PTAFR: variants seen among roughly 807,000 people sequenced by gnomAD.
PTAFR encodes platelet activating factor receptor.
PTAFR carries 8 observed loss-of-function variants against 14.7 expected under a neutral mutation model. That is an observed-to-expected ratio of 0.54 (90% CI 0.32 to 0.98). The LOEUF (loss-of-function observed/expected upper bound fraction) is 0.98. Among genes scored for constraint, PTAFR ranks in the 50% least tolerant of loss-of-function variants. The pLI, the probability that PTAFR is intolerant of heterozygous loss-of-function variation, is 0.04. For synonymous variants in PTAFR, 156 were observed against 176.5 expected (o/e 0.88, Z 0.92); for missense variants, 337 against 451.2 (o/e 0.75, Z 2.29).
upstream of PTAFR, chr1:28,177,199 T>C (rs1308997257): frequency 6.6e-6 from 1 of 152,376 alleles, no homozygotes; most frequent in Non-Finnish European, 1.5e-5. Context: ...TGTGCACATT[T>C]GGGTCTGTGC....
At chr1:28,159,146 G>T (rs984445224) in intron 1 of PTAFR, among the ~76,000 whole-genome samples, 1 of 152,168 alleles carries the variant, frequency 6.6e-6, no homozygotes, top group Non-Finnish European at 1.5e-5. Flanking sequence ...CAGCATGAGG[G>T]CAGGGAGGAT....
At chr1:28,183,818 C>T (rs1406212009) in intron 1 of PTAFR, among the ~76,000 whole-genome samples, 2 of 151,908 alleles carry the variant, frequency 1.3e-5, no homozygotes, top group Admixed American at 1.3e-4. Flanking sequence ...ACCCGGGAGG[C>T]AGAGGTTGCA....
chr1:28,183,023 G>A (rs1014256188), intron 1 of PTAFR, among the ~76,000 whole-genome samples: 17 of 151,142 alleles, frequency 1.1e-4, no homozygotes, highest in African/African-American at 3.9e-4. Flanking sequence ...TTTGCTGTTT[G>A]TTTTTTAAAG....
intron 1 of PTAFR, among the ~76,000 whole-genome samples, chr1:28,185,374 G>A (rs1646597737): frequency 6.6e-6 from 1 of 152,162 alleles, no homozygotes; most frequent in Non-Finnish European, 1.5e-5. Flanking sequence ...GGGCAGTCCT[G>A]CACAACTATT....
chr1:28,163,097 C>T (rs1200032115), intron 1 of PTAFR, among the ~76,000 whole-genome samples: 1 of 152,144 alleles, frequency 6.6e-6, no homozygotes, highest in Non-Finnish European at 1.5e-5. Context: ...TTCCTCAAAT[C>T]TCTTTGCCTT....
At chr1:28,164,783 T>A (rs1420560854) in intron 1 of PTAFR, among the ~76,000 whole-genome samples, 2 of 152,190 alleles carry the variant, frequency 1.3e-5, no homozygotes, top group African/African-American at 4.8e-5. Context: ...AGACCTGTCT[T>A]ACAGCCTGAG....
At chr1:28,189,379 G>A (rs1159874246) in intron 1 of PTAFR, among the ~76,000 whole-genome samples, 4 of 151,806 alleles carry the variant, frequency 2.6e-5, no homozygotes, top group Non-Finnish European at 5.9e-5. Context: ...TTTGGGAGAC[G>A]GAGGCGGGCA....
At chr1:28,166,662 C>T (rs1297647221) in intron 1 of PTAFR, among the ~76,000 whole-genome samples, 1 of 150,760 alleles carries the variant, frequency 6.6e-6, no homozygotes, top group African/African-American at 2.5e-5. Flanking sequence ...CAGAGCAAGA[C>T]TCCATCTCAA....
intron 1 of PTAFR, among the ~76,000 whole-genome samples, chr1:28,191,330 G>A (rs1646650546): frequency 6.6e-6 from 1 of 152,254 alleles, no homozygotes; most frequent in South Asian, 2.1e-4. Context: ...CTTTGCCTGG[G>A]CAGGGGAGGG....
chr1:28,191,756 T>C (rs1055985554), intron 1 of PTAFR, among the ~76,000 whole-genome samples: 1 of 151,662 alleles, frequency 6.6e-6, no homozygotes, highest in African/African-American at 2.4e-5. Context: ...CTCTCTCTTT[T>C]TTTTTTTTAA....
intron 1 of PTAFR, among the ~76,000 whole-genome samples, chr1:28,163,587 A>G (rs1158761182): frequency 1.3e-5 from 2 of 152,156 alleles, no homozygotes; most frequent in African/African-American, 4.8e-5. Flanking sequence ...GGGGCAAGTG[A>G]CCTCGCCTCT....
intron 1 of PTAFR, 100 bp from the exon 2 acceptor site, chr1:28,151,159 T>G: frequency 1.5e-6 from 1 of 670,826 alleles, no homozygotes; most frequent in Non-Finnish European, 2.5e-6. Context: ...AATGATGATG[T>G]CCCCTCAGAA....
intron 1 of PTAFR, among the ~76,000 whole-genome samples, chr1:28,157,958 C>T (rs1022354402): frequency 3.9e-5 from 6 of 151,948 alleles, no homozygotes. Flanking sequence ...AACCTTCTCA[C>T]CATGTGAACA....
intron 1 of PTAFR, among the ~76,000 whole-genome samples, chr1:28,184,215 C>A (rs1006916203): frequency 2.6e-5 from 4 of 151,080 alleles, no homozygotes; most frequent in African/African-American, 9.7e-5. Flanking sequence ...GCATCAGCCT[C>A]CCAAGTAGCT....
At chr1:28,153,907 A>G (rs1646227482) in intron 1 of PTAFR, among the ~76,000 whole-genome samples, 1 of 151,504 alleles carries the variant, frequency 6.6e-6, no homozygotes, top group African/African-American at 2.4e-5. Flanking sequence ...AAAAAAAATT[A>G]GCAAGGCGTG....
upstream of PTAFR, among the ~76,000 whole-genome samples, chr1:28,181,021 G>T (rs1037446828): frequency 5.9e-5 from 9 of 152,038 alleles, no homozygotes; most frequent in Non-Finnish European, 1.0e-4. Context: ...CCAAGTTGGA[G>T]TGCAGTGGCG....
At chr1:28,163,973 G>C (rs1261405702) in intron 1 of PTAFR, among the ~76,000 whole-genome samples, 2 of 152,248 alleles carry the variant, frequency 1.3e-5, no homozygotes, top group East Asian at 3.8e-4. Context: ...TCAGCTGGGG[G>C]TGGGGTAGAG....
At chr1:28,165,856 G>A (rs1036444796) in intron 1 of PTAFR, among the ~76,000 whole-genome samples, 7 of 152,108 alleles carry the variant, frequency 4.6e-5, no homozygotes, top group African/African-American at 1.7e-4. Flanking sequence ...TTCATGGATT[G>A]GAAGACTTAA....
intron 1 of PTAFR, among the ~76,000 whole-genome samples, chr1:28,154,314 A>G (rs1006821981): frequency 2.0e-5 from 3 of 152,188 alleles, no homozygotes; most frequent in African/African-American, 7.2e-5. Context: ...GAATGGTGCC[A>G]GGATCTCAGA....
Sources: gnomAD v4.1 joint callset for allele counts (sites outside exome capture counted in the v4.1 genomes callset) on GRCh38, gnomAD v4.1.1 for gene constraint, MANE v1.5 for transcripts, NCBI Gene and HGNC (gene_info 2026-07-23, HGNC 2026-07-21) for gene names.